The following PCDH15 variants were observed in gnomAD, a reference collection of about 807,000 sequenced individuals.
PCDH15 encodes the protein protocadherin related 15.
PCDH15 carries 129 observed loss-of-function variants against 178.5 expected under a neutral mutation model. The ratio of observed to expected loss-of-function variants is 0.72; its 90% confidence interval spans 0.63 to 0.84. PCDH15 has a LOEUF of 0.84. Ranked by LOEUF, PCDH15 falls within the 40% of genes least tolerant of loss-of-function variation. The pLI, the probability that PCDH15 is intolerant of heterozygous loss-of-function variation, is 0.00. For synonymous variants in PCDH15, 800 were observed against 732.0 expected (o/e 1.09, Z -1.50); for missense variants, 2,230 against 2,099.9 (o/e 1.06, Z -1.21).
intron 8 of PCDH15, among the ~76,000 whole-genome samples, chr10:54,311,060 C>T (rs888874402): frequency 2.6e-5 from 4 of 151,962 alleles, no homozygotes; most frequent in African/African-American, 9.7e-5. Context: ...ATAGATAAAC[C>T]AGAGAAGCTG....
chr10:54,663,684 A>G (rs1415227508), intron 2 of PCDH15, among the ~76,000 whole-genome samples: 1 of 120,112 alleles, frequency 8.3e-6, no homozygotes, highest in East Asian at 2.1e-4. Context: ...TCATTTTTCT[A>G]TTCTTCCCAA....
At chr10:55,475,591 C>T (rs761978553) in intron 2 of PCDH15, among the ~76,000 whole-genome samples, 1 of 152,018 alleles carries the variant, frequency 6.6e-6, no homozygotes, top group Non-Finnish European at 1.5e-5. Flanking sequence ...GCAGTTAAAA[C>T]TTTGTTCCAT....
intron 2 of PCDH15, among the ~76,000 whole-genome samples, chr10:55,582,905 G>A (rs973415814): frequency 4.0e-5 from 6 of 151,630 alleles, no homozygotes; most frequent in South Asian, 2.1e-4. Flanking sequence ...GTTTAAATAC[G>A]TAATTGCCAT....
At chr10:55,081,581 G>A (rs1027705134) in intron 2 of PCDH15, among the ~76,000 whole-genome samples, 7 of 152,080 alleles carry the variant, frequency 4.6e-5, no homozygotes, top group South Asian at 2.1e-4. Flanking sequence ...TCATGATGCC[G>A]GAGCCCTCAT....
intron 5 of PCDH15, among the ~76,000 whole-genome samples, chr10:54,355,757 A>G (rs1372716219): frequency 6.6e-6 from 1 of 152,096 alleles, no homozygotes; most frequent in Non-Finnish European, 1.5e-5. Context: ...ACTGTCAGAA[A>G]AAAATTGGTT....
At chr10:54,669,643 A>C (rs2135486969) in intron 1 of PCDH15, among the ~76,000 whole-genome samples, 1 of 148,618 alleles carries the variant, frequency 6.7e-6, no homozygotes, top group East Asian at 2.0e-4. Flanking sequence ...GTGAGGTCCA[A>C]CCTACCTCTC....
At chr10:54,676,174 TAGATA>T (rs1165739475) in intron 1 of PCDH15, among the ~76,000 whole-genome samples, 4 of 152,078 alleles carry the variant, frequency 2.6e-5, no homozygotes, top group Admixed American at 2.6e-4. Context: ...TCGTCGAACT[TAGATA>T]AAATATATGC....
chr10:55,293,229 C>T (rs978417368), intron 1 of PCDH15, among the ~76,000 whole-genome samples: 4 of 152,080 alleles, frequency 2.6e-5, no homozygotes, highest in East Asian at 1.9e-4. Context: ...CAGCCACAGC[C>T]AGAGAAGCTG....
chr10:54,997,111 C>A (rs372815274), intron 2 of PCDH15, among the ~76,000 whole-genome samples: 52 of 142,370 alleles, frequency 3.7e-4, no homozygotes, highest in African/African-American at 3.7e-4. Flanking sequence ...ACTCTAGTCT[C>A]AAAAAAAAAA....
At chr10:54,904,914 C>G (rs908243644) in intron 2 of PCDH15, among the ~76,000 whole-genome samples, 6 of 150,250 alleles carry the variant, frequency 4.0e-5, no homozygotes, top group Non-Finnish European at 7.4e-5. Flanking sequence ...AGATAAAATA[C>G]AAGATAAATT....
intron 3 of PCDH15, among the ~76,000 whole-genome samples, chr10:54,854,371 T>C (rs1953697074): frequency 6.6e-6 from 1 of 152,202 alleles, no homozygotes; most frequent in Admixed American, 6.5e-5. Flanking sequence ...CTATTTGTGT[T>C]ACAGTTATTT....
intron 2 of PCDH15, among the ~76,000 whole-genome samples, chr10:55,346,707 T>G (rs1034867960): frequency 6.6e-6 from 1 of 151,684 alleles, no homozygotes; most frequent in African/African-American, 2.4e-5. Flanking sequence ...TTTTTTTTTT[T>G]GCTCTACAAT....
intron 3 of PCDH15, among the ~76,000 whole-genome samples, chr10:54,470,674 C>T (rs186480181): frequency 2.0e-5 from 3 of 152,256 alleles, no homozygotes; most frequent in Non-Finnish European, 4.4e-5. Context: ...ATGTGGACCA[C>T]TGGGGAGCAT....
intron 14 of PCDH15, among the ~76,000 whole-genome samples, chr10:54,142,846 G>A (rs2043536503): frequency 6.6e-6 from 1 of 152,114 alleles, no homozygotes; most frequent in Admixed American, 6.6e-5. Context: ...TTGGCCTCAT[G>A]CTATCTTAAG....
intron 21 of PCDH15, among the ~76,000 whole-genome samples, chr10:53,974,419 A>G (rs2090020734): frequency 6.6e-6 from 1 of 152,162 alleles, no homozygotes; most frequent in South Asian, 2.1e-4. Flanking sequence ...AAGTAATAAT[A>G]TACTTATTTA....
At chr10:54,136,422 A>G (rs980809915) in intron 14 of PCDH15, among the ~76,000 whole-genome samples, 1 of 151,340 alleles carries the variant, frequency 6.6e-6, no homozygotes, top group South Asian at 2.1e-4. Flanking sequence ...GACCTGGAAC[A>G]TATCTGTACT....
At chr10:54,303,566 T>G (rs749172839) in intron 8 of PCDH15, among the ~76,000 whole-genome samples, 22 of 152,124 alleles carry the variant, frequency 1.4e-4, no homozygotes, top group Admixed American at 9.8e-4. Flanking sequence ...ATGCATGTAT[T>G]ACAAGTAAGA....
chr10:54,452,547 T>C (rs2076545251), intron 3 of PCDH15: 1 of 152,076 alleles, frequency 6.6e-6, no homozygotes, highest in African/African-American at 2.4e-5. Context: ...TATGTACTCC[T>C]AAGAACACAA....
intron 7 of PCDH15, among the ~76,000 whole-genome samples, chr10:54,325,178 C>T (rs757756504): frequency 1.3e-5 from 2 of 151,956 alleles, no homozygotes; most frequent in Non-Finnish European, 2.9e-5. Flanking sequence ...ACCTTAATTA[C>T]GGATCATAAC....
Sources: allele counts gnomAD v4.1 joint callset (sites outside exome capture counted in the v4.1 genomes callset), GRCh38; gene constraint gnomAD v4.1.1; transcripts MANE v1.5; gene names NCBI Gene and HGNC (gene_info 2026-07-23, HGNC 2026-07-21).